The following GAREM1 variants were observed in gnomAD, a reference collection of about 807,000 sequenced individuals.
GAREM1 encodes the protein GRB2 associated regulator of MAPK1 subtype 1, also known as GRB2-associated and regulator of MAPK protein 1.
A neutral mutation model predicts 71.3 loss-of-function variants in GAREM1; 26 were observed. The ratio of observed to expected loss-of-function variants is 0.36; its 90% CI spans 0.27 to 0.51. GAREM1 has a LOEUF of 0.51. GAREM1 is among the 20% of genes least tolerant of loss of function. The pLI, the probability that GAREM1 is intolerant of heterozygous loss-of-function variation, is 0.95. For synonymous variants in GAREM1, 440 were observed against 433.2 expected, an observed-to-expected ratio of 1.02 and a Z score of -0.20; for missense variants, 1,026 against 1,103.1, an observed-to-expected ratio of 0.93 and a Z score of 0.99.
At chr18:32,303,899 T>C (rs1289757442) in intron 3 of GAREM1, among the ~76,000 whole-genome samples, 3 of 145,096 alleles carry the variant, frequency 2.1e-5, no homozygotes, top group Non-Finnish European at 4.5e-5. Context: ...CCAGCCTGGG[T>C]GACAAAGCAT....
rs1304684207 is a variant in GAREM1 at position 32,264,365 on chromosome 18, C to T, written c.*3506G>A. 6.6e-6 allele frequency: 1 copy of T among 152,162 alleles called. No homozygotes were observed. The highest frequency in any genetic ancestry group is 2.4e-5 in the African/African-American group (1 of 41,440). The allele number at this position is 152,162 out of a possible 1,614,324, so 9.4% of individuals were successfully genotyped here. ...CCAGTTTGTTATTCAAAATGTTAAT[C>T]TTATACTTGCTAGGCACGATGAGTA... is the stretch of plus-strand genomic sequence containing the variant. On this transcript the variant is annotated 3_prime_UTR_variant, in exon 6 of 6. Coordinates refer to ENST00000269209, the MANE Select transcript of GAREM1 (RefSeq NM_001242409.2).
chr18:32,334,134 C>A (rs554126238), intron 2 of GAREM1, among the ~76,000 whole-genome samples: 1 of 152,216 alleles, frequency 6.6e-6, no homozygotes, highest in East Asian at 1.9e-4. Flanking sequence ...AAACTGTAAC[C>A]CAGCCAGATA....
intron 5 of GAREM1, among the ~76,000 whole-genome samples, chr18:32,269,386 G>A (rs901119335): frequency 2.0e-5 from 3 of 152,188 alleles, no homozygotes; most frequent in African/African-American, 2.4e-5. Context: ...CATGTGGAGC[G>A]GTAGCTTAGG....
intron 4 of GAREM1, 42 bp from the exon 5 acceptor site, chr18:32,270,425 A>G (rs374144954): frequency 5.2e-6 from 8 of 1,551,058 alleles, no homozygotes; most frequent in Non-Finnish European, 6.1e-6. Context: ...ACAGACTGAC[A>G]ATGCCACGGG....
chr18:32,366,918 A>G (rs1399829464), intron 2 of GAREM1, among the ~76,000 whole-genome samples: 4 of 152,186 alleles, frequency 2.6e-5, no homozygotes, highest in South Asian at 4.1e-4. Flanking sequence ...ACCAAGTATC[A>G]TGATATTAGG....
chr18:32,418,916 C>T (rs2048493021), intron 1 of GAREM1, among the ~76,000 whole-genome samples: 1 of 152,200 alleles, frequency 6.6e-6, no homozygotes, highest in African/African-American at 2.4e-5. Flanking sequence ...ACAAACTTAG[C>T]AGCTTAAATA....
intron 1 of GAREM1, among the ~76,000 whole-genome samples, chr18:32,420,761 A>AT (rs1291986923): frequency 2.0e-5 from 3 of 151,884 alleles, no homozygotes; most frequent in African/African-American, 7.3e-5. Context: ...AAATGAAAAA[A>AT]AAAAAAAAAT....
chr18:32,351,032 T>C lies in GAREM1; in HGVS notation c.263-40709A>G, dbSNP rs563089094. 3.9e-5 allele frequency among the ~76,000 whole-genome samples: 6 copies of C among 152,298 alleles called. No homozygotes were observed. The East Asian group carries it at 1.2e-3, about 29-fold the overall frequency. ...AATTTTTCTAGGAACTTACTATTTCTTAGTCCTTTGGTTGAACTTCTGGTC... is the reference window on the plus strand; with the variant it reads ...AATTTTTCTAGGAACTTACTATTTCCTAGTCCTTTGGTTGAACTTCTGGTC... On this transcript the variant is annotated intron_variant, in intron 2 of 5. Coordinates refer to ENST00000269209, the MANE Select transcript of GAREM1 (RefSeq NM_001242409.2).
intron 2 of GAREM1, among the ~76,000 whole-genome samples, chr18:32,345,859 A>G (rs746393471): frequency 1.3e-5 from 2 of 152,216 alleles, no homozygotes; most frequent in Non-Finnish European, 2.9e-5. Flanking sequence ...CGGTCTAAAC[A>G]GTAAATATGC....
intron 2 of GAREM1, among the ~76,000 whole-genome samples, chr18:32,319,354 T>C (rs2047408888): frequency 1.3e-5 from 2 of 152,228 alleles, no homozygotes; most frequent in Admixed American, 1.3e-4. Context: ...CACACTCTTG[T>C]ATTTTAATCT....
intron 1 of GAREM1, among the ~76,000 whole-genome samples, chr18:32,414,345 AAG>A (rs1280678584): frequency 6.6e-6 from 1 of 152,106 alleles, no homozygotes; most frequent in African/African-American, 2.4e-5. Flanking sequence ...AGACCGAAGA[AAG>A]AGAGACAGTT....
chr18:32,456,014 G>T (rs1179130407), intron 1 of GAREM1, among the ~76,000 whole-genome samples: 1 of 152,002 alleles, frequency 6.6e-6, no homozygotes, highest in Admixed American at 6.6e-5. Flanking sequence ...AATTCCAGAT[G>T]GACTAGAAAC....
chr18:32,345,959 A>T (rs1281855613), intron 2 of GAREM1, among the ~76,000 whole-genome samples: 1 of 152,214 alleles, frequency 6.6e-6, no homozygotes, highest in Non-Finnish European at 1.5e-5. Context: ...GTGAATTTTA[A>T]GACAATTAAG....
In GAREM1 at chr18:32,470,401, T is replaced by G. The variant is rs767512562; in HGVS notation, c.28A>C (p.Ser10Arg). The G allele has an allele frequency of 1.9e-6, 3 of 1,541,772 alleles. No homozygotes were observed. Among genetic ancestry groups the G allele is most frequent in the Admixed American group, 1.9e-5 (1 of 52,900 alleles). Residue 10 changes from serine (S) to arginine (R), a missense_variant, in exon 1 of 6, where the codon AGC (serine) becomes CGC (arginine). Physicochemically the swap from Ser to Arg is moderately radical, Grantham distance 110. Coordinates refer to ENST00000269209, the MANE Select transcript of GAREM1 (RefSeq NM_001242409.2). The surrounding 1 kb of genome is among the most constrained non-coding windows in gnomAD (Gnocchi z 4.4). Reference sequence around the variant, plus strand: ...GAGCTCCACTTCACATCCTTGAGGCTGCAGCCCAGCGAGGGCGCCGGGTCC... The same window carrying G: ...GAGCTCCACTTCACATCCTTGAGGCGGCAGCCCAGCGAGGGCGCCGGGTCC... MDPAPSLGC[S>R]LKDVKWSSVA...
intron 1 of GAREM1, among the ~76,000 whole-genome samples, chr18:32,467,214 C>G (rs2049008306): frequency 6.6e-6 from 1 of 152,122 alleles, no homozygotes; most frequent in Non-Finnish European, 1.5e-5. Context: ...TTTTCAGCCA[C>G]TCCTTTGGCA....
intron 4 of GAREM1, among the ~76,000 whole-genome samples, chr18:32,270,707 G>C (rs937529518): frequency 2.0e-5 from 3 of 152,136 alleles, no homozygotes; most frequent in African/African-American, 7.2e-5. Flanking sequence ...AGTGACATGT[G>C]AGGATGGATA....
Position 32,289,983 on chromosome 18 carries a change from G to GTT in GAREM1, c.394-1782_394-1781dup, listed in dbSNP as rs906471840. 2.6e-4 allele frequency among the ~76,000 whole-genome samples: 38 copies of GTT among 147,994 alleles called. No homozygotes were observed. The South Asian group carries it at 5.5e-3, about 21-fold the overall frequency. The stretch of plus-strand genomic sequence containing the variant: ...TACTCTGGTGGCTTATTTAAGGTAG[G>GTT]TTTTTTTTTGTGTGTGTGTGTAAGT... On this transcript the variant is annotated intron_variant, in intron 3 of 5. Coordinates refer to ENST00000269209, the MANE Select transcript of GAREM1 (RefSeq NM_001242409.2).
At chr18:32,302,846 A>C (rs1289148581) in intron 3 of GAREM1, among the ~76,000 whole-genome samples, 4 of 152,160 alleles carry the variant, frequency 2.6e-5, no homozygotes, top group African/African-American at 9.7e-5. Context: ...CACTTTATCA[A>C]TATCCAAAGA....
In GAREM1 at chr18:32,265,721, G is replaced by A. The variant is rs890092848; in HGVS notation, c.*2150C>T. The A allele has an allele frequency of 5.3e-5, 8 of 152,138 alleles. No homozygotes were observed. Among genetic ancestry groups the A allele is most frequent in the African/African-American group, 1.9e-4 (8 of 41,418 alleles). The allele number at this position is 152,138 out of a possible 1,614,324, so 9.4% of individuals were successfully genotyped here. A position where few individuals can be genotyped will look rare whatever the true frequency, so the allele number is the denominator to read the frequency against. On this transcript the variant is annotated 3_prime_UTR_variant, in exon 6 of 6. Transcript: ENST00000269209. ...TACAAAAAGAAAAAAAACGCTAAAA[G>A]GAGTCAGTTGTTTATGTGAGGCAAC...
Sources: gnomAD v4.1 joint callset for allele counts (sites outside exome capture counted in the v4.1 genomes callset) on GRCh38, gnomAD v4.1.1 for gene constraint, Gnocchi (gnomAD v3.1) non-coding constraint, MANE v1.5 for transcripts, NCBI Gene and HGNC (gene_info 2026-07-23, HGNC 2026-07-21) for gene names.